Variants in CAMK4 observed in about 807,000 individuals in gnomAD.
CAMK4 encodes the protein calcium/calmodulin dependent protein kinase IV.
CAMK4 carries 22 observed loss-of-function variants against 44.9 expected under a neutral mutation model. The ratio of observed to expected loss-of-function variants is 0.49; its 90% CI spans 0.35 to 0.70. The LOEUF is 0.70. Among genes scored for constraint, CAMK4 ranks in the 30% least tolerant of loss-of-function variants. The pLI is 0.01. For missense variants in CAMK4, 498 were observed against 586.8 expected (o/e 0.85, Z 1.56); for synonymous variants, 218 against 215.4 (o/e 1.01, Z -0.11).
chr5:111,440,582 T>C (rs979010937), intron 5 of CAMK4, among the ~76,000 whole-genome samples: 4 of 152,188 alleles, frequency 2.6e-5, no homozygotes, highest in African/African-American at 9.6e-5. Flanking sequence ...TAAGTTATAT[T>C]GCATCATCTT....
At chr5:111,367,441 G>T (rs79335926) in intron 2 of CAMK4, among the ~76,000 whole-genome samples, 1 of 151,874 alleles carries the variant, frequency 6.6e-6, no homozygotes, top group African/African-American at 2.4e-5. Flanking sequence ...ACTTTTGGAG[G>T]ATGCATTCAA....
At chr5:111,224,239 C>T (rs933605583), upstream of CAMK4, 2 of 379,910 alleles carry the variant, frequency 5.3e-6, no homozygotes, top group Non-Finnish European at 9.1e-6. This position sits in a 1 kb window ranked among gnomAD's most constrained non-coding sequence, Gnocchi z 5.7. Context: ...CTCTCCTCAG[C>T]GGTGCAGCTA....
intron 1 of CAMK4, among the ~76,000 whole-genome samples, chr5:111,234,640 C>G (rs1394862246): frequency 6.6e-6 from 1 of 152,158 alleles, no homozygotes; most frequent in African/African-American, 2.4e-5. Flanking sequence ...GGCATTAGTG[C>G]CAGGATGCTG....
chr5:111,456,389 G>T (rs988060411), intron 7 of CAMK4, among the ~76,000 whole-genome samples: 1 of 151,966 alleles, frequency 6.6e-6, no homozygotes, highest in Non-Finnish European at 1.5e-5. Context: ...TACTCGGGAG[G>T]CTGAGGCAGG....
intron 4 of CAMK4, among the ~76,000 whole-genome samples, chr5:111,385,359 G>A (rs1751560793): frequency 6.6e-6 from 1 of 152,010 alleles, no homozygotes. Flanking sequence ...ACTCTTATGT[G>A]AGAAATTGGA....
rs1271959199 is a variant in CAMK4 at position 111,482,257 on chromosome 5, C to T, written c.829-528C>T. On this transcript the variant is annotated intron_variant, in intron 9 of 10. Coordinates refer to ENST00000282356, the MANE Select transcript of CAMK4 (RefSeq NM_001744.6). The surrounding 1 kb of genome is among the most constrained non-coding windows in gnomAD (Gnocchi z 4.9). ...ATGATTTTTAAACTCTGGGCTTAGTCCTTCAAGTACCCTCAAGGGGTTAGA... is the reference window on the plus strand; with the variant it reads ...ATGATTTTTAAACTCTGGGCTTAGTTCTTCAAGTACCCTCAAGGGGTTAGA... 6.6e-6 allele frequency: 1 copy of T among 152,170 alleles called. No individual in the cohort carries two copies. The highest frequency in any genetic ancestry group is 1.5e-5 in the Non-Finnish European group (1 of 68,050). The allele number at this position is 152,170 out of a possible 1,614,324, so 9.4% of individuals were successfully genotyped here. A position where few individuals can be genotyped will look rare whatever the true frequency, so the allele number is the denominator to read the frequency against.
chr5:111,329,765 A>G (rs1749075228), intron 1 of CAMK4, among the ~76,000 whole-genome samples: 1 of 151,752 alleles, frequency 6.6e-6, no homozygotes, highest in African/African-American at 2.4e-5. Context: ...TAAGTATTTG[A>G]CAACATTCAC....
At chr5:111,238,509 G>C (rs1019013463) in intron 1 of CAMK4, among the ~76,000 whole-genome samples, 2 of 151,694 alleles carry the variant, frequency 1.3e-5, no homozygotes, top group African/African-American at 4.8e-5. Context: ...ACTGGCACCC[G>C]ATTGCAGACT....
At chr5:111,237,928 T>TAAA (rs1748805601) in intron 1 of CAMK4, among the ~76,000 whole-genome samples, 1 of 152,240 alleles carries the variant, frequency 6.6e-6, no homozygotes, top group Non-Finnish European at 1.5e-5. Flanking sequence ...AAATGCAGCT[T>TAAA]GACATAACTT....
chr5:111,249,153 GA>G (rs550934736), intron 1 of CAMK4, among the ~76,000 whole-genome samples: 107 of 152,262 alleles, frequency 7.0e-4, no homozygotes, highest in African/African-American at 2.5e-3. Context: ...GTGCAAGCAT[GA>G]AAAAGTGGGC....
chr5:111,270,653 G>A (rs2112580969), intron 1 of CAMK4, among the ~76,000 whole-genome samples: 1 of 152,076 alleles, frequency 6.6e-6, no homozygotes, highest in South Asian at 2.1e-4. Context: ...TAAATTCCAT[G>A]AACCACACCT....
At chr5:111,277,768 A>G (rs781239591) in intron 1 of CAMK4, among the ~76,000 whole-genome samples, 13 of 151,888 alleles carry the variant, frequency 8.6e-5, no homozygotes, top group Non-Finnish European at 1.5e-4. Context: ...CATATGTTTT[A>G]TAATATCACT....
At chr5:111,258,728 C>T (rs1010238887) in intron 1 of CAMK4, among the ~76,000 whole-genome samples, 4 of 142,008 alleles carry the variant, frequency 2.8e-5, no homozygotes, top group African/African-American at 1.1e-4. Flanking sequence ...ATTACCTCTA[C>T]AGAGTTATCA....
intron 2 of CAMK4, among the ~76,000 whole-genome samples, chr5:111,362,929 A>G (rs1210150166): frequency 6.6e-6 from 1 of 152,022 alleles, no homozygotes; most frequent in East Asian, 1.9e-4. Flanking sequence ...TCATTTTCTA[A>G]TCTCTATCAT....
intron 7 of CAMK4, among the ~76,000 whole-genome samples, chr5:111,460,033 A>G (rs1028234431): frequency 6.6e-6 from 1 of 152,066 alleles, no homozygotes; most frequent in African/African-American, 2.4e-5. Context: ...ATGGGAGGAA[A>G]AGAGGTCAAA....
intron 1 of CAMK4, among the ~76,000 whole-genome samples, chr5:111,225,420 A>G (rs538738643): frequency 1.5e-4 from 23 of 152,024 alleles, no homozygotes; most frequent in Middle Eastern, 3.2e-3. Flanking sequence ...ATGCTTTCGT[A>G]TTTGTATCCA....
At chr5:111,383,979 T>C (rs1751508270) in intron 4 of CAMK4, among the ~76,000 whole-genome samples, 1 of 152,070 alleles carries the variant, frequency 6.6e-6, no homozygotes, top group Admixed American at 6.6e-5. Flanking sequence ...AGCAAAACAG[T>C]GGTTTCCTAG....
At chr5:111,257,970 A>G (rs991867043) in intron 1 of CAMK4, among the ~76,000 whole-genome samples, 10 of 152,154 alleles carry the variant, frequency 6.6e-5, no homozygotes, top group African/African-American at 2.4e-4. Context: ...ATGAGATACC[A>G]TCTCAGGGGA....
intron 1 of CAMK4, among the ~76,000 whole-genome samples, chr5:111,264,322 T>A (rs948106076): frequency 6.6e-6 from 1 of 152,186 alleles, no homozygotes; most frequent in Non-Finnish European, 1.5e-5. Flanking sequence ...GGGTTTGGTG[T>A]GCCGATGGTG....
Sources: gnomAD v4.1 joint callset for allele counts (sites outside exome capture counted in the v4.1 genomes callset) on GRCh38, gnomAD v4.1.1 for gene constraint, Gnocchi (gnomAD v3.1) non-coding constraint, MANE v1.5 for transcripts, NCBI Gene and HGNC (gene_info 2026-07-23, HGNC 2026-07-21) for gene names.